Variants in HIVEP1 observed in about 807,000 individuals in gnomAD.
HIVEP1 encodes HIVEP zinc finger 1.
Under a neutral mutation model 180.0 loss-of-function variants are expected in HIVEP1, and 36 were observed. That is an observed-to-expected ratio of 0.20 (90% CI 0.15 to 0.26). The LOEUF is 0.26. Among genes scored for constraint, HIVEP1 ranks in the 10% least tolerant of loss-of-function variants. The probability of loss-of-function intolerance (pLI) is 1.00; values close to 1 mark genes in which losing one functional copy is unlikely to be tolerated. For synonymous variants in HIVEP1, 1,239 were observed against 1,239.0 expected (o/e 1.00, Z 0.00); for missense variants, 3,143 against 3,268.7 (o/e 0.96, Z 0.94).
In HIVEP1 at chr6:12,089,293, A is replaced by T. The variant is rs1401956888; in HGVS notation, c.94+56A>T. On this transcript the variant is annotated intron_variant, in intron 3 of 8. Coordinates refer to ENST00000379388, the MANE Select transcript of HIVEP1 (RefSeq NM_002114.4). Reference sequence around the variant, plus strand: ...TATTCTTGCAATGATGCCTATACATATACCTCATAAATGTAGCCTTATGAA... The same window carrying T: ...TATTCTTGCAATGATGCCTATACATTTACCTCATAAATGTAGCCTTATGAA... The T allele has an allele frequency of 7.5e-6, 7 of 933,752 alleles. No individual in the cohort carries two copies. In the African/African-American group the frequency reaches 8.3e-5, roughly 11 times the overall value. The allele number at this position is 933,752 out of a possible 1,614,324, so 57.8% of individuals were successfully genotyped here.
chr6:12,151,874 C>A (rs1759724445), intron 7 of HIVEP1, among the ~76,000 whole-genome samples: 1 of 152,128 alleles, frequency 6.6e-6, no homozygotes, highest in Non-Finnish European at 1.5e-5. Context: ...GTTTGCCAAT[C>A]CCTGATATAA....
the HIVEP1 span, among the ~76,000 whole-genome samples, chr6:12,192,581 A>G: frequency 6.6e-6 from 1 of 152,102 alleles, no homozygotes; most frequent in Non-Finnish European, 1.5e-5. Context: ...GTGAGTTCTC[A>G]TGAGATCTGA....
chr6:12,119,055 A>G (rs1040696576), intron 3 of HIVEP1, among the ~76,000 whole-genome samples: 3 of 152,228 alleles, frequency 2.0e-5, no homozygotes, highest in African/African-American at 7.2e-5. Flanking sequence ...ATCTAGGTCC[A>G]TTTGTCTGCA....
intron 7 of HIVEP1, among the ~76,000 whole-genome samples, chr6:12,138,992 C>T (rs1758851673): frequency 6.6e-6 from 1 of 151,880 alleles, no homozygotes; most frequent in Non-Finnish European, 1.5e-5. Flanking sequence ...CTCCAACACC[C>T]CACCCCAGCC....
intron 4 of HIVEP1, among the ~76,000 whole-genome samples, chr6:12,128,709 A>AGCATAAAATCTT (rs1232678422): frequency 4.6e-5 from 7 of 152,222 alleles, no homozygotes. Context: ...AATGGGTAGT[A>AGCATAAAATCTT]GCATAAAATC....
chr6:12,159,609 A>G (rs78641709), intron 7 of HIVEP1, among the ~76,000 whole-genome samples: 2,287 of 152,312 alleles, frequency 0.015, 36 homozygotes, highest in Non-Finnish European at 0.025. Flanking sequence ...TTTTTAAAAT[A>G]GGCAAGGTAG....
chr6:12,047,058 A>G (rs1770187078), intron 2 of HIVEP1, among the ~76,000 whole-genome samples: 1 of 151,896 alleles, frequency 6.6e-6, no homozygotes, highest in Non-Finnish European at 1.5e-5. Context: ...ACGGGGTTTC[A>G]CCATGTTGGC....
At chr6:12,103,036 AG>A (rs1337158659) in intron 3 of HIVEP1, among the ~76,000 whole-genome samples, 9 of 152,168 alleles carry the variant, frequency 5.9e-5, no homozygotes, top group African/African-American at 2.2e-4. Flanking sequence ...TTTTTTTATG[AG>A]AAGGGTATTA....
chr6:12,114,701 T>G (rs1313293845), intron 3 of HIVEP1, among the ~76,000 whole-genome samples: 1 of 152,250 alleles, frequency 6.6e-6, no homozygotes, highest in African/African-American at 2.4e-5. Context: ...GGATGTATAA[T>G]GTTATGTTAA....
chr6:12,160,066 G>A (rs1011614031), intron 7 of HIVEP1, among the ~76,000 whole-genome samples: 1 of 152,190 alleles, frequency 6.6e-6, no homozygotes, highest in Non-Finnish European at 1.5e-5. Context: ...ACCTGTAAGT[G>A]CAGAATGTAT....
intron 2 of HIVEP1, among the ~76,000 whole-genome samples, chr6:12,055,692 A>G (rs1272253187): frequency 1.3e-5 from 2 of 152,318 alleles, no homozygotes; most frequent in Non-Finnish European, 2.9e-5. Flanking sequence ...TTTCTAAGCT[A>G]GCAAATTTCA....
chr6:12,110,548 T>G (rs868074515), intron 3 of HIVEP1, among the ~76,000 whole-genome samples: 1 of 152,246 alleles, frequency 6.6e-6, no homozygotes. Context: ...CTCTGCTAGC[T>G]GTCAGCCTTT....
chr6:12,078,190 A>G (rs1772495748), intron 2 of HIVEP1, among the ~76,000 whole-genome samples: 1 of 152,170 alleles, frequency 6.6e-6, no homozygotes, highest in African/African-American at 2.4e-5. Context: ...CAAGCAAAGC[A>G]TTGACTCAGC....
In HIVEP1 at chr6:12,124,887, C is replaced by G; in HGVS notation, c.5092C>G (p.Pro1698Ala). 6.2e-7 allele frequency: 1 copy of G among 1,614,050 alleles called. No homozygotes were observed. ...ACAAAAAGGTCATCAGAATGCTTTG[C>G]CAAACCCAGAGAAGGAATTTCTATG... ...TLQKGHQNALPNPEKEFLCEN... is the reference protein window; with the variant it reads ...TLQKGHQNALANPEKEFLCEN... Residue 1698 changes from proline to alanine, a missense_variant, in exon 4 of 9, where the codon CCA (proline) becomes GCA (alanine). Transcript: ENST00000379388.
At chr6:12,082,163 A>G (rs1330981817) in intron 2 of HIVEP1, among the ~76,000 whole-genome samples, 1 of 152,110 alleles carries the variant, frequency 6.6e-6, no homozygotes, top group East Asian at 1.9e-4. Flanking sequence ...AATTAACCCA[A>G]CAGAACCACT....
At chr6:12,198,744 G>C in the HIVEP1 span, among the ~76,000 whole-genome samples, 1 of 152,216 alleles carries the variant, frequency 6.6e-6, no homozygotes, top group African/African-American at 2.4e-5. Context: ...GGCAATGAAA[G>C]AGAGAACCAT....
intron 3 of HIVEP1, among the ~76,000 whole-genome samples, chr6:12,116,734 T>C (rs1435333310): frequency 6.6e-6 from 1 of 152,156 alleles, no homozygotes; most frequent in Non-Finnish European, 1.5e-5. Context: ...GTCAGGAGTA[T>C]GTTCTCAGCT....
At chr6:12,086,315 A>G (rs1773120052) in intron 2 of HIVEP1, among the ~76,000 whole-genome samples, 1 of 152,194 alleles carries the variant, frequency 6.6e-6, no homozygotes, top group Non-Finnish European at 1.5e-5. Flanking sequence ...ATACAGTAAG[A>G]ACTCATTATA....
chr6:12,090,735 CTTTTTTTTTTTT>C (rs35266647), intron 3 of HIVEP1, among the ~76,000 whole-genome samples: 2 of 82,472 alleles, frequency 2.4e-5, no homozygotes, highest in Admixed American at 1.5e-4. Context: ...TATAGCCAGC[CTTTTTTTTTTTT>C]TTTTTTTTTT....
Sources: allele counts gnomAD v4.1 joint callset (sites outside exome capture counted in the v4.1 genomes callset), GRCh38; gene constraint gnomAD v4.1.1; transcripts MANE v1.5; gene names NCBI Gene and HGNC (gene_info 2026-07-23, HGNC 2026-07-21).